Variants in TRDMT1 observed in about 807,000 individuals in gnomAD.
TRDMT1 encodes the protein tRNA aspartic acid methyltransferase 1, also known as tRNA (cytosine(38)-C(5))-methyltransferase.
A neutral mutation model predicts 51.2 loss-of-function variants in TRDMT1; 49 were observed. The ratio of observed to expected loss-of-function variants is 0.96; its 90% CI spans 0.76 to 1.21. The LOEUF is 1.21. Ranked by LOEUF, TRDMT1 falls within the 50% of genes most tolerant of loss-of-function variation. The pLI, the probability that TRDMT1 is intolerant of heterozygous loss-of-function variation, is 0.00. For missense variants in TRDMT1, 534 were observed against 462.3 expected, an observed-to-expected ratio of 1.16 and a Z score of -1.42; for synonymous variants, 187 against 164.6, an observed-to-expected ratio of 1.14 and a Z score of -1.04.
At position 17,175,673 on chromosome 10, in the gene TRDMT1, G is replaced by GAA. The variant is rs111303184; in HGVS notation, c.65-1015_65-1014dup. ...TAGCTTACCCCAAATATCAAAAAAG[G>GAA]AAAAAAAAAAAAAAAGAGTGGTGTG... On this transcript the variant is annotated intron_variant, in intron 1 of 10. Coordinates refer to ENST00000377799, the MANE Select transcript of TRDMT1 (RefSeq NM_004412.7). 1.5e-3 allele frequency among the ~76,000 whole-genome samples: 187 copies of GAA among 128,856 alleles called. 4 individuals are homozygous for GAA. The highest frequency in any genetic ancestry group is 9.1e-3 in the South Asian group (36 of 3,942). The allele number at this position is 128,856 out of a possible 152,430, so 84.5% of individuals were successfully genotyped here.
chr10:17,169,615 A>G, intron 2 of TRDMT1: 12 of 934,124 alleles, frequency 1.3e-5, no homozygotes, highest in Non-Finnish European at 1.8e-5. Flanking sequence ...CTCAGTGCAC[A>G]TCTTTAGCTA....
intron 1 of TRDMT1, among the ~76,000 whole-genome samples, chr10:17,186,090 T>TAAATAAATAA (rs529154623): frequency 2.1e-4 from 22 of 107,008 alleles, no homozygotes; most frequent in African/African-American, 5.4e-4. Flanking sequence ...TAAATAAATA[T>TAAATAAATAA]GGTCAATGCA....
intron 1 of TRDMT1, among the ~76,000 whole-genome samples, chr10:17,199,364 G>A (rs1350136407): frequency 6.6e-6 from 1 of 152,154 alleles, no homozygotes; most frequent in Non-Finnish European, 1.5e-5. Flanking sequence ...GACATGAAAT[G>A]TGAACCGAAG....
rs900040635 is a variant in TRDMT1 at position 17,139,220 on chromosome 10, GT to G, written c.*9819del. On this transcript the variant is annotated 3_prime_UTR_variant, in exon 11 of 11. Transcript: ENST00000377799. ...AATCAACCTAAAAAGGACAAAATGA[GT>G]TTTCTACTTGGTGACCCCTAAAATT... is the stretch of plus-strand genomic sequence containing the variant. 7 of 985,192 alleles carry G rather than the reference GT, an allele frequency of 7.1e-6. No homozygotes were observed. Among genetic ancestry groups the G allele is most frequent in the Middle Eastern group, 5.2e-4 (1 of 1,936 alleles). 61.0% of individuals were successfully genotyped at this position (985,192 alleles called of 1,614,324 possible).
At position 17,146,286 on chromosome 10, in the gene TRDMT1, G is replaced by A. The variant is rs1838100305; in HGVS notation, c.*2754C>T. 1.0e-6 allele frequency: 1 copy of A among 985,300 alleles called. No homozygotes were observed. The highest frequency in any genetic ancestry group is 1.2e-6 in the Non-Finnish European group (1 of 829,940). 61.0% of individuals were successfully genotyped at this position (985,300 alleles called of 1,614,324 possible). A position where few individuals can be genotyped will look rare whatever the true frequency, so the allele number is the denominator to read the frequency against. ...AAGAATAAGTTGGCTGAAGGTTGGA[G>A]GTATTTTCTCATCTTTCCAGACATA... On this transcript the variant is annotated 3_prime_UTR_variant, in exon 11 of 11. Transcript: ENST00000377799.
intron 1 of TRDMT1, among the ~76,000 whole-genome samples, chr10:17,196,074 G>A (rs1845385974): frequency 6.6e-6 from 1 of 152,186 alleles, no homozygotes; most frequent in South Asian, 2.1e-4. Context: ...AACACACCCA[G>A]TTACAAGCTG....
Position 17,137,767 on chromosome 10 carries a change from G to A in TRDMT1, c.*11273C>T, listed in dbSNP as rs1370726039. On this transcript the variant is annotated 3_prime_UTR_variant, in exon 11 of 11. Transcript: ENST00000377799. Reference sequence around the variant, plus strand: ...GAGAATCGCTTGAACCCAGGAGGTGGAGGTTGCAGCAAGCCGAGAGCCACT... The same window carrying A: ...GAGAATCGCTTGAACCCAGGAGGTGAAGGTTGCAGCAAGCCGAGAGCCACT... Among the ~76,000 whole-genome samples, 4 of 151,628 alleles carry A rather than the reference G, an allele frequency of 2.6e-5. No homozygotes were observed. Among genetic ancestry groups the A allele is most frequent in the Admixed American group, 2.6e-4 (4 of 15,212 alleles).
chr10:17,159,161 A>G lies in TRDMT1; in HGVS notation c.528T>C (p.Phe176=). 6.3e-7 allele frequency: 1 copy of G among 1,595,444 alleles called. No individual in the cohort carries two copies. The highest frequency in any genetic ancestry group is 8.5e-7 in the Non-Finnish European group (1 of 1,171,686). ...IAKLQSEPLP[F]QAPGQVLMEF... ...ATAATAATACCTGACCAGGGGCTTG[A>G]AAGGGTAATGGCTCTGACTGAAGCT... The change falls in exon 7 of 11, where the codon TTT becomes TTC. Residue 176 remains phenylalanine, a synonymous_variant. Coordinates refer to ENST00000377799, the MANE Select transcript of TRDMT1 (RefSeq NM_004412.7).
At position 17,144,108 on chromosome 10, in the gene TRDMT1, A is replaced by G; in HGVS notation, c.*4932T>C. ...GGCATGAAAAGTGAAGGGTAGAAAG[A>G]GACCTGAGGACGGAACCTTCAGATA... On this transcript the variant is annotated 3_prime_UTR_variant, in exon 11 of 11. Transcript: ENST00000377799. The G allele has an allele frequency of 3.0e-6, 3 of 985,404 alleles. No individual in the cohort carries two copies. Among genetic ancestry groups the G allele is most frequent in the Non-Finnish European group, 3.6e-6 (3 of 829,938 alleles). The allele number at this position is 985,404 out of a possible 1,614,324, so 61.0% of individuals were successfully genotyped here. A position where few individuals can be genotyped will look rare whatever the true frequency, so the allele number is the denominator to read the frequency against.
intron 1 of TRDMT1, among the ~76,000 whole-genome samples, chr10:17,187,309 G>C (rs1439827390): frequency 6.6e-6 from 1 of 152,112 alleles, no homozygotes; most frequent in South Asian, 2.1e-4. Flanking sequence ...AACTTCACTA[G>C]TAATCAAAAA....
Position 17,144,087 on chromosome 10 carries a change from T to C in TRDMT1, c.*4953A>G. 1 of 985,410 alleles carries C rather than the reference T, an allele frequency of 1.0e-6. No individual in the cohort carries two copies. Among genetic ancestry groups the C allele is most frequent in the South Asian group, 4.7e-5 (1 of 21,284 alleles). 61.0% of individuals were successfully genotyped at this position (985,410 alleles called of 1,614,324 possible). A position where few individuals can be genotyped will look rare whatever the true frequency, so the allele number is the denominator to read the frequency against. The stretch of plus-strand genomic sequence containing the variant: ...GTGAGAATCTCTAAGAAAAATGGCA[T>C]GAAAAGTGAAGGGTAGAAAGAGACC... On this transcript the variant is annotated 3_prime_UTR_variant, in exon 11 of 11. Coordinates refer to ENST00000377799, the MANE Select transcript of TRDMT1 (RefSeq NM_004412.7).
intron 1 of TRDMT1, among the ~76,000 whole-genome samples, chr10:17,190,408 A>G (rs1054460330): frequency 1.1e-4 from 17 of 149,502 alleles, no homozygotes; most frequent in Non-Finnish European, 1.9e-4. Context: ...TAAAGAGTTC[A>G]TATTTCTTGA....
Position 17,168,859 on chromosome 10 carries a change from G to A in TRDMT1, c.233C>T (p.Pro78Leu). ...LSFDMILMSP[P>L]CQPFTRIGRQ... ...CACATACCTTGTGAATGGCTGGCAG[G>A]GAGGGCTCATTAAAATCATATCAAA... The change falls in exon 3 of 11, where the codon CCC becomes CTC. Residue 78 changes from proline (P) to leucine (L), a missense_variant. Physicochemically the swap from Pro to Leu is moderately conservative, Grantham distance 98. Coordinates refer to ENST00000377799, the MANE Select transcript of TRDMT1 (RefSeq NM_004412.7). 1 of 1,611,650 alleles carries A rather than the reference G, an allele frequency of 6.2e-7. No individual in the cohort carries two copies. Among genetic ancestry groups the A allele is most frequent in the African/African-American group, 1.3e-5 (1 of 74,918 alleles).
chr10:17,151,236 A>T, intron 10 of TRDMT1: 1 of 919,454 alleles, frequency 1.1e-6, no homozygotes. Flanking sequence ...ATAATTTTTT[A>T]AGTTAAAAGA....
In TRDMT1 at chr10:17,160,889, T is replaced by G. The variant is rs529007988; in HGVS notation, c.390-515A>C. 9.2e-5 allele frequency among the ~76,000 whole-genome samples: 14 copies of G among 152,346 alleles called. No individual in the cohort carries two copies. In the South Asian group the frequency reaches 2.3e-3, roughly 25 times the overall value. ...TATTGAATCAAAAGATATACATAAT[T>G]CATTACTACAAATAAATAAAGCTGC... is the stretch of plus-strand genomic sequence containing the variant. On this transcript the variant is annotated intron_variant, in intron 5 of 10. Transcript: ENST00000377799.
Position 17,140,037 on chromosome 10 carries a change from C to CTTTTTTTCTTTT in TRDMT1, c.*9002_*9003insAAAAGAAAAAAA, listed in dbSNP as rs1837549866. Among the ~76,000 whole-genome samples the CTTTTTTTCTTTT allele has an allele frequency of 4.6e-5, 1 of 21,914 alleles. No individual in the cohort carries two copies. The highest frequency in any genetic ancestry group is 1.9e-4 in the African/African-American group (1 of 5,348). The allele number at this position is 21,914 out of a possible 152,430, so 14.4% of individuals were successfully genotyped here. ...TATTCTTCCAGTAACATCTAGTGTG[C>CTTTTTTTCTTTT]TTTTTTTTTTTTTTTTTTTTTTTTT... is the stretch of plus-strand genomic sequence containing the variant. On this transcript the variant is annotated 3_prime_UTR_variant, in exon 11 of 11. Transcript: ENST00000377799.
chr10:17,156,191 T>C (rs753929347), intron 8 of TRDMT1, among the ~76,000 whole-genome samples: 8 of 151,882 alleles, frequency 5.3e-5, no homozygotes, highest in Non-Finnish European at 7.4e-5. Context: ...CCAAATGAGG[T>C]TGAGTAGCAT....
chr10:17,197,466 G>A (rs185476308), intron 1 of TRDMT1, among the ~76,000 whole-genome samples: 2 of 152,278 alleles, frequency 1.3e-5, no homozygotes, highest in East Asian at 3.9e-4. Flanking sequence ...ATGCTGATAA[G>A]GATGAAAAAC....
intron 1 of TRDMT1, among the ~76,000 whole-genome samples, chr10:17,187,440 A>G (rs560663157): frequency 1.1e-3 from 162 of 152,326 alleles, no homozygotes; most frequent in African/African-American, 3.7e-3. Flanking sequence ...TAATTTGACA[A>G]TCATCAACAA....
Sources: gnomAD v4.1 joint callset for allele counts (sites outside exome capture counted in the v4.1 genomes callset) on GRCh38, gnomAD v4.1.1 for gene constraint, MANE v1.5 for transcripts, NCBI Gene and HGNC (gene_info 2026-07-23, HGNC 2026-07-21) for gene names.